NPLOC4: variants seen among roughly 807,000 people sequenced by gnomAD.
NPLOC4 encodes nuclear protein localization protein 4 homolog.
A neutral mutation model predicts 80.6 loss-of-function variants in NPLOC4; 18 were observed. The ratio of observed to expected loss-of-function variants is 0.22; its 90% CI spans 0.15 to 0.33. NPLOC4 has a LOEUF of 0.33. Among genes scored for constraint, NPLOC4 ranks in the 10% least tolerant of loss-of-function variants. The probability of loss-of-function intolerance (pLI) is 1.00; values close to 1 mark genes in which losing one functional copy is unlikely to be tolerated. For synonymous variants in NPLOC4, 313 were observed against 301.5 expected, an observed-to-expected ratio of 1.04 and a Z score of -0.39; for missense variants, 540 against 786.1, an observed-to-expected ratio of 0.69 and a Z score of 3.74.
At chr17:81,589,586 C>T (rs1769426727) in intron 11 of NPLOC4, among the ~76,000 whole-genome samples, 2 of 150,282 alleles carry the variant, frequency 1.3e-5, no homozygotes, top group Admixed American at 1.3e-4. Context: ...AGCACAAGAC[C>T]TAGCACAAGA....
rs543226653 is a variant in NPLOC4 at position 81,584,124 on chromosome 17, G to A, written c.1281+4820C>T. Among the ~76,000 whole-genome samples the A allele has an allele frequency of 8.5e-5, 13 of 152,288 alleles. No homozygotes were observed. In the South Asian group the frequency reaches 2.3e-3, roughly 27 times the overall value. Reference sequence around the variant, plus strand: ...TCAGACAAATATTGGTGCAGGTTTTGTTTACAAGGCATGTCACCTCCAACC... The same window carrying A: ...TCAGACAAATATTGGTGCAGGTTTTATTTACAAGGCATGTCACCTCCAACC... On this transcript the variant is annotated intron_variant, in intron 12 of 16. Coordinates refer to ENST00000331134, the MANE Select transcript of NPLOC4 (RefSeq NM_017921.4).
intron 16 of NPLOC4, among the ~76,000 whole-genome samples, chr17:81,561,179 A>T (rs889656375): frequency 5.9e-5 from 9 of 151,984 alleles, no homozygotes; most frequent in African/African-American, 2.2e-4. Flanking sequence ...GGCTGTCTCG[A>T]ACTCCTGACC....
rs137996095 is a variant in NPLOC4 at position 81,633,986 on chromosome 17, C to A, written c.15+2930G>T. ...GGTTCTAACTTTTCTGCCTCAGCCT[C>A]CTGAGTGGCTGGGACTACAGGTGCA... On this transcript the variant is annotated intron_variant, in intron 1 of 16. Transcript: ENST00000331134. Among the ~76,000 whole-genome samples, 1,235 of 152,010 alleles carry A rather than the reference C, an allele frequency of 8.1e-3. 7 individuals are homozygous for A. Among genetic ancestry groups the A allele is most frequent in the Non-Finnish European group, 0.014 (919 of 67,972 alleles).
intron 6 of NPLOC4, among the ~76,000 whole-genome samples, chr17:81,608,014 C>G (rs1400785598): frequency 6.6e-6 from 1 of 152,212 alleles, no homozygotes; most frequent in Non-Finnish European, 1.5e-5. Flanking sequence ...GAAGGTCATA[C>G]AGGCAAGGGC....
At chr17:81,586,816 A>G (rs539797756) in intron 12 of NPLOC4, among the ~76,000 whole-genome samples, 1 of 152,350 alleles carries the variant, frequency 6.6e-6, no homozygotes, top group East Asian at 1.9e-4. Context: ...AAGGGGTTAC[A>G]CTGTAGAAAA....
At chr17:81,584,222 T>A (rs546728439) in intron 12 of NPLOC4, among the ~76,000 whole-genome samples, 2 of 152,322 alleles carry the variant, frequency 1.3e-5, no homozygotes, top group East Asian at 3.9e-4. Context: ...CCAACTGATA[T>A]TTTCCTGAAA....
chr17:81,605,910 C>T (rs2144222891), intron 7 of NPLOC4, among the ~76,000 whole-genome samples: 1 of 151,776 alleles, frequency 6.6e-6, no homozygotes. Context: ...CAACCTCTGC[C>T]TTCAGGTTCA....
intron 12 of NPLOC4, 77 bp downstream of exon 12, chr17:81,588,867 C>A: frequency 4.6e-6 from 6 of 1,314,288 alleles, no homozygotes; most frequent in South Asian, 1.4e-5. Flanking sequence ...AGGCAGAATG[C>A]ACCCAAATTA....
intron 3 of NPLOC4, among the ~76,000 whole-genome samples, chr17:81,618,040 C>G (rs1351853188): frequency 6.6e-6 from 1 of 152,212 alleles, no homozygotes; most frequent in Admixed American, 6.5e-5. Context: ...GCCTTGGCCT[C>G]CCAAAGTGCC....
intron 1 of NPLOC4, among the ~76,000 whole-genome samples, chr17:81,634,193 G>T (rs1026940481): frequency 1.3e-5 from 2 of 151,858 alleles, no homozygotes; most frequent in Admixed American, 6.6e-5. Flanking sequence ...TAGTAAAGAC[G>T]TGGTTTCACC....
At chr17:81,605,748 T>A (rs1346230707) in intron 7 of NPLOC4, among the ~76,000 whole-genome samples, 1 of 152,058 alleles carries the variant, frequency 6.6e-6, no homozygotes, top group Non-Finnish European at 1.5e-5. Flanking sequence ...TATCAATAAA[T>A]TCAAAATAAT....
intron 1 of NPLOC4, 164 bp from the exon 2 acceptor site, chr17:81,629,969 C>T (rs1273424687): frequency 3.5e-6 from 2 of 579,186 alleles, no homozygotes; most frequent in South Asian, 2.2e-5. Context: ...GAATATGATG[C>T]CGAGGGGTGA....
In NPLOC4 at chr17:81,557,030, C is replaced by G. The variant is rs2033660723; in HGVS notation, c.*2229G>C. ...CCAGGAGCAGCTGGTTGGAGGGAGC[C>G]AGGGCCAGGCCCCACCTCCTCTCGG... On this transcript the variant is annotated 3_prime_UTR_variant, in exon 17 of 17. Coordinates refer to ENST00000331134, the MANE Select transcript of NPLOC4 (RefSeq NM_017921.4). 1 of 152,452 alleles carries G rather than the reference C, an allele frequency of 6.6e-6. No homozygotes were observed. The highest frequency in any genetic ancestry group is 6.5e-5 in the Admixed American group (1 of 15,282). The allele number at this position is 152,452 out of a possible 1,614,324, so 9.4% of individuals were successfully genotyped here. A position where few individuals can be genotyped will look rare whatever the true frequency, so the allele number is the denominator to read the frequency against.
Position 81,565,580 on chromosome 17 carries a change from C to A in NPLOC4, c.1594G>T (p.Val532Leu), listed in dbSNP as rs774599319. The A allele has an allele frequency of 6.4e-7, 1 of 1,553,622 alleles. No homozygotes were observed. Among genetic ancestry groups the A allele is most frequent in the Non-Finnish European group, 8.7e-7 (1 of 1,149,616 alleles). Residue 532 changes from valine (V) to leucine (L), a missense_variant, in exon 16 of 17, where the codon GTG becomes TTG. By Grantham distance (32) the Val-to-Leu change is conservative (BLOSUM62 1). Transcript: ENST00000331134. The part of the protein sequence containing the change: ...QDSISLLLEA[V>L]RTRNEELAQT... ...GCGAGCTCCTCATTTCTGGTCCGCA[C>A]GGCCTCCAGCAGCAAGCTGATGCTG...
intron 12 of NPLOC4, among the ~76,000 whole-genome samples, chr17:81,578,283 T>A (rs2034353541): frequency 6.6e-6 from 1 of 152,016 alleles, no homozygotes; most frequent in South Asian, 2.1e-4. Flanking sequence ...CAGATTCCAC[T>A]CCGCGTGGCT....
chr17:81,602,965 A>G (rs1359128471), intron 8 of NPLOC4, among the ~76,000 whole-genome samples: 2 of 129,542 alleles, frequency 1.5e-5, no homozygotes, highest in East Asian at 2.2e-4. Flanking sequence ...ATATACACAC[A>G]TATATATACA....
intron 3 of NPLOC4, among the ~76,000 whole-genome samples, chr17:81,614,540 G>C (rs893388605): frequency 6.6e-6 from 1 of 150,708 alleles, no homozygotes; most frequent in Non-Finnish European, 1.5e-5. Context: ...TCCTTCTAAA[G>C]GGCAAACTCC....
intron 13 of NPLOC4, among the ~76,000 whole-genome samples, chr17:81,569,493 C>T (rs929374713): frequency 1.3e-5 from 2 of 152,230 alleles, no homozygotes; most frequent in East Asian, 3.8e-4. Context: ...AGGAAAGGAA[C>T]GGAAGGGCCA....
Position 81,608,899 on chromosome 17 carries a change from G to A in NPLOC4, c.436-77C>T. The A allele has an allele frequency of 4.4e-6, 5 of 1,147,466 alleles. No homozygotes were observed. In the East Asian group the frequency reaches 1.0e-4, roughly 24 times the overall value. The allele number at this position is 1,147,466 out of a possible 1,614,324, so 71.1% of individuals were successfully genotyped here. On this transcript the variant is annotated intron_variant, in intron 5 of 16. Transcript: ENST00000331134. ...AGGCGCTGAGCCTCTGCTACGCACAGGGGGAGGCCAGCAGCATGGCCTTGG... is the reference window on the plus strand; with the variant it reads ...AGGCGCTGAGCCTCTGCTACGCACAAGGGGAGGCCAGCAGCATGGCCTTGG...
Sources: allele counts gnomAD v4.1 joint callset (sites outside exome capture counted in the v4.1 genomes callset), GRCh38; gene constraint gnomAD v4.1.1; transcripts MANE v1.5; gene names NCBI Gene and HGNC (gene_info 2026-07-23, HGNC 2026-07-21).